Variants in MAN2C1 observed in about 807,000 individuals in gnomAD.
MAN2C1 encodes the protein mannosidase alpha class 2C member 1.
In MAN2C1, 111 loss-of-function variants were observed where a neutral mutation model predicts 126.9. The ratio of observed to expected loss-of-function variants is 0.87; its 90% CI spans 0.75 to 1.02. MAN2C1 has a LOEUF of 1.02. MAN2C1 is among the 50% of genes least tolerant of loss of function. MAN2C1 has a pLI of 0.00. For missense variants in MAN2C1, 1,363 were observed against 1,364.4 expected (o/e 1.00, Z 0.02); for synonymous variants, 567 against 561.5 (o/e 1.01, Z -0.14).
intron 2 of MAN2C1, 152 bp from the exon 3 acceptor site, chr15:75,367,786 T>C: frequency 9.6e-7 from 1 of 1,043,404 alleles, no homozygotes. Flanking sequence ...AGCAACAAGG[T>C]GAGAAGCAAG....
chr15:75,358,902 G>A, intron 18 of MAN2C1, 94 bp from the exon 19 acceptor site: 1 of 1,361,436 alleles, frequency 7.3e-7, no homozygotes, highest in Non-Finnish European at 1.0e-6. Flanking sequence ...AGACCCAGTG[G>A]ACAGGGGACT....
In MAN2C1 at chr15:75,360,112, C is replaced by G; in HGVS notation, c.1684G>C (p.Ala562Pro). The change falls in exon 14 of 26, where the codon GCC (alanine) becomes CCC (proline). Residue 562 changes from alanine to proline, a missense_variant. Physicochemically the swap from Ala to Pro is conservative, Grantham distance 27 (BLOSUM62 -1). This residue lies in a region of MAN2C1 where 668 missense variants were observed against 650.1 expected (regional missense o/e 1.03). Coordinates refer to ENST00000267978, the MANE Select transcript of MAN2C1 (RefSeq NM_006715.4). ...ARSAQFLYPA[A>P]QLQHLWRLLL... ...GACCTCCAGAGGTGCTGCAGCTGGG[C>G]TGCTGGGTATAGGAACTGGGCACTG... 1 of 1,614,002 alleles carries G rather than the reference C, an allele frequency of 6.2e-7. No individual in the cohort carries two copies. Among genetic ancestry groups the G allele is most frequent in the Non-Finnish European group, 8.5e-7 (1 of 1,180,020 alleles).
At chr15:75,364,693 C>A in intron 4 of MAN2C1, 28 bp from the exon 5 acceptor site, 1 of 1,585,406 alleles carries the variant, frequency 6.3e-7, no homozygotes. Flanking sequence ...CAGCCTCAGG[C>A]TAAGGGACTG....
chr15:75,359,217 C>T (rs1473649045), intron 17 of MAN2C1, 64 bp from the exon 18 acceptor site: 3 of 1,598,738 alleles, frequency 1.9e-6, no homozygotes, highest in Non-Finnish European at 2.6e-6. Flanking sequence ...GTCTTCCCAC[C>T]CCAACCCCAG....
At chr15:75,365,863 T>C in intron 4 of MAN2C1, 1 of 360,778 alleles carries the variant, frequency 2.8e-6, no homozygotes, top group Non-Finnish European at 5.4e-6. Flanking sequence ...GAGGGGCGGA[T>C]AACCTGAGGT....
rs768617570 is a variant in MAN2C1 at position 75,358,782 on chromosome 15, C to T, written c.2168G>A (p.Gly723Glu). 2 of 1,613,408 alleles carry T rather than the reference C, an allele frequency of 1.2e-6. No homozygotes were observed. Among genetic ancestry groups the T allele is most frequent in the Admixed American group, 1.7e-5 (1 of 59,936 alleles). The change falls in exon 19 of 26, where the codon GGG (glycine) becomes GAG (glutamate). Residue 723 changes from glycine to glutamate, a missense_variant. By Grantham distance (98) the Gly-to-Glu change is moderately conservative (BLOSUM62 -2). This residue lies in a region of MAN2C1 where 668 missense variants were observed against 650.1 expected (regional missense o/e 1.03). Transcript: ENST00000267978. ...ATCATCAAATAGCACAAACTGGTTC[C>T]CCACGGCGCCCTCAGCAATGGCCTC... ...GREAIAEGAV[G>E]NQFVLFDDVP... is the part of the protein sequence containing the mutation.
chr15:75,366,517 C>T lies in MAN2C1; in HGVS notation c.422+5G>A, dbSNP rs2072578260. On this transcript the variant is annotated splice_donor_5th_base_variant and intron_variant, in intron 4 of 25. Transcript: ENST00000267978. ...GCACTGGTCAACCAGGGCACAGGGA[C>T]TCACCTTCGGGGGTCTCTTTCCCCC... 1 of 1,613,096 alleles carries T rather than the reference C, an allele frequency of 6.2e-7. No homozygotes were observed. Among genetic ancestry groups the T allele is most frequent in the African/African-American group, 1.3e-5 (1 of 74,926 alleles).
Position 75,361,501 on chromosome 15 carries a change from G to C in MAN2C1, c.1218+103C>G. The C allele has an allele frequency of 7.9e-7, 1 of 1,259,002 alleles. No homozygotes were observed. Among genetic ancestry groups the C allele is most frequent in the Non-Finnish European group, 1.2e-6 (1 of 860,044 alleles). The allele number at this position is 1,259,002 out of a possible 1,614,324, so 78.0% of individuals were successfully genotyped here. A position where few individuals can be genotyped will look rare whatever the true frequency, so the allele number is the denominator to read the frequency against. On this transcript the variant is annotated intron_variant, in intron 10 of 25. Transcript: ENST00000267978. The surrounding 1 kb of genome is among the most constrained non-coding windows in gnomAD (Gnocchi z 5.0). Reference sequence around the variant, plus strand: ...TGTGACCCTGGCAGAGGCAGAGTGAGGGTTTGGTGGTCTGTCTAGGACCCC... The same window carrying C: ...TGTGACCCTGGCAGAGGCAGAGTGACGGTTTGGTGGTCTGTCTAGGACCCC...
chr15:75,356,196 G>T lies in MAN2C1; in HGVS notation c.2910C>A (p.Arg970=). 4 of 1,613,410 alleles carry T rather than the reference G, an allele frequency of 2.5e-6. No individual in the cohort carries two copies. Among genetic ancestry groups the T allele is most frequent in the Non-Finnish European group, 3.4e-6 (4 of 1,179,928 alleles). The change falls in exon 25 of 26, where the codon CGC becomes CGA. Residue 970 remains arginine (R), a synonymous_variant. Coordinates refer to ENST00000267978, the MANE Select transcript of MAN2C1 (RefSeq NM_006715.4). This position sits in a 1 kb window ranked among gnomAD's most constrained non-coding sequence, Gnocchi z 5.8. ...VKQAESSPQR[R]SLVLRLYEAH... ...CCTCATACAGCCTCAGGACCAGCGA[G>T]CGGCGCTGGGGGCTGCTCTCCGCCT...
At chr15:75,360,822 C>T in intron 12 of MAN2C1, 134 bp from the exon 13 acceptor site, 1 of 1,268,426 alleles carries the variant, frequency 7.9e-7, no homozygotes, top group South Asian at 1.4e-5. Context: ...AGATGGCCAG[C>T]CCTGGACGCC....
rs2072326040 is a variant in MAN2C1, at chr15:75,356,821, C to G, written c.2629G>C (p.Val877Leu). 2.5e-6 allele frequency: 4 copies of G among 1,613,994 alleles called. No homozygotes were observed. The highest frequency in any genetic ancestry group is 3.4e-6 in the Non-Finnish European group (4 of 1,180,042). Residue 877 changes from valine (V) to leucine (L), a missense_variant, in exon 22 of 26, where the codon GTG becomes CTG. Coordinates refer to ENST00000267978, the MANE Select transcript of MAN2C1 (RefSeq NM_006715.4). This position sits in a 1 kb window ranked among gnomAD's most constrained non-coding sequence, Gnocchi z 5.8. ...GAGAGGCTGAGGATGCTGCCTCGCA[C>G]TGACGCGCCATACTTGCAGTCGTTG... ...LLNDCKYGAS[V>L]RGSILSLSLL...
Position 75,368,144 on chromosome 15 carries a change from C to G in MAN2C1, c.156G>C (p.Glu52Asp), listed in dbSNP as rs1271862487. Residue 52 changes from glutamate (E) to aspartate (D), a missense_variant, in exon 2 of 26, where the codon GAG becomes GAC. Physicochemically the swap from Glu to Asp is conservative, Grantham distance 45. Around this residue, in one of 3 missense-constraint regions of MAN2C1, gnomAD observed 628 missense variants for 609.8 expected, o/e 1.03. Coordinates refer to ENST00000267978, the MANE Select transcript of MAN2C1 (RefSeq NM_006715.4). Reference sequence around the variant, plus strand: ...GGACTGCCTCCTGGTAGGGAAGTCTCTCCGGCGTCAGGAAGCTGGAGAGCA... The same window carrying G: ...GGACTGCCTCCTGGTAGGGAAGTCTGTCCGGCGTCAGGAAGCTGGAGAGCA... ...VAVLSSFLTP[E>D]RLPYQEAVQR... 1 of 1,605,226 alleles carries G rather than the reference C, an allele frequency of 6.2e-7. No individual in the cohort carries two copies. The highest frequency in any genetic ancestry group is 1.7e-5 in the Admixed American group (1 of 59,202).
rs989284940 is a variant in MAN2C1 at position 75,368,579 on chromosome 15, G to A, written c.5C>T (p.Ala2Val). The A allele has an allele frequency of 1.3e-6, 2 of 1,542,130 alleles. No homozygotes were observed. Among genetic ancestry groups the A allele is most frequent in the Admixed American group, 2.0e-5 (1 of 50,878 alleles). ...CCAGTGCTTCAAGGCCGGCGCAGCC[G>A]CCATCGCCGGGCTCTCGCTCCTCTT... Reference protein sequence around the residue: MAAAPALKHWRT... With the variant: MVAAPALKHWRT... Residue 2 changes from alanine (A) to valine (V), a missense_variant, in exon 1 of 26, where the codon GCG becomes GTG. Physicochemically the swap from Ala to Val is moderately conservative, Grantham distance 64. This residue lies in a region of MAN2C1 where 628 missense variants were observed against 609.8 expected (regional missense o/e 1.03). Coordinates refer to ENST00000267978, the MANE Select transcript of MAN2C1 (RefSeq NM_006715.4).
At chr15:75,359,185 G>A (rs762248151) in intron 17 of MAN2C1, 32 bp from the exon 18 acceptor site, 10 of 1,612,954 alleles carry the variant, frequency 6.2e-6, no homozygotes, top group South Asian at 1.1e-5. Context: ...GGCTGAGTCT[G>A]TAGGGGCTTC....
chr15:75,356,850 AGGGCCAGCCCAAAGCC>A lies in MAN2C1; in HGVS notation c.2584_2599del (p.Gly862CysfsTer42). The A allele has an allele frequency of 6.2e-7, 1 of 1,614,128 alleles. No homozygotes were observed. Among genetic ancestry groups the A allele is most frequent in the Non-Finnish European group, 8.5e-7 (1 of 1,180,040 alleles). On this transcript the variant is annotated frameshift_variant, in exon 22 of 26. Coordinates refer to ENST00000267978, the MANE Select transcript of MAN2C1 (RefSeq NM_006715.4). LOFTEE classifies it high-confidence loss of function. The surrounding 1 kb of genome is among the most constrained non-coding windows in gnomAD (Gnocchi z 5.8). ...CGCGCCATACTTGCAGTCGTTGAGCAGGGCCAGCCCAAAGCCGTGTTCTGACAGATCCATCCAGCGA... is the reference window on the plus strand; with the variant it reads ...CGCGCCATACTTGCAGTCGTTGAGCAGTGTTCTGACAGATCCATCCAGCGA...
intron 5 of MAN2C1, 54 bp downstream of exon 5, chr15:75,364,434 C>T (rs1353365614): frequency 6.8e-7 from 1 of 1,476,770 alleles, no homozygotes; most frequent in Non-Finnish European, 9.0e-7. Flanking sequence ...AAAGAACAAC[C>T]TTCTTGGAGC....
At chr15:75,357,905 C>T (rs780518414) in intron 21 of MAN2C1, 12 of 349,130 alleles carry the variant, frequency 3.4e-5, no homozygotes, top group Non-Finnish European at 3.3e-5. Context: ...AGGCGTGAGT[C>T]ACCACGCCCG....
intron 17 of MAN2C1, 78 bp from the exon 18 acceptor site, chr15:75,359,231 C>A: frequency 6.3e-7 from 1 of 1,595,086 alleles, no homozygotes; most frequent in Non-Finnish European, 8.5e-7. Context: ...ACCCCAGCCC[C>A]GCCTCACCAC....
chr15:75,357,007 C>A, intron 21 of MAN2C1, 105 bp from the exon 22 acceptor site: 2 of 885,190 alleles, frequency 2.3e-6, no homozygotes, highest in Non-Finnish European at 3.6e-6. Context: ...TAGAACCACA[C>A]AACTGAACTC....
Sources: gnomAD v4.1 joint callset for allele counts on GRCh38, gnomAD v4.1.1 for gene constraint, gnomAD v4.1.1 regional missense constraint, Gnocchi (gnomAD v3.1) non-coding constraint, MANE v1.5 for transcripts, NCBI Gene and HGNC (gene_info 2026-07-23, HGNC 2026-07-21) for gene names.